PCDHGB3: variants seen among roughly 807,000 people sequenced by gnomAD.
PCDHGB3 encodes protocadherin gamma subfamily B, 3, also known as protocadherin gamma-B3.
In PCDHGB3, 40 loss-of-function variants were observed where a neutral mutation model predicts 59.2. The observed-to-expected ratio is 0.68, with a 90% CI of 0.52 to 0.88. PCDHGB3 has a LOEUF of 0.88. PCDHGB3 is among the 40% of genes least tolerant of loss of function. PCDHGB3 has a pLI of 0.00. For synonymous variants in PCDHGB3, 581 were observed against 503.6 expected (o/e 1.15, Z -2.06); for missense variants, 1,309 against 1,187.9 (o/e 1.10, Z -1.50).
chr5:141,418,007 C>G (rs1561770675), intron 1 of PCDHGB3: 1 of 1,613,904 alleles, frequency 6.2e-7, no homozygotes, highest in Non-Finnish European at 8.5e-7. Flanking sequence ...GGTGGGGAAC[C>G]TCGCTAAGGA....
chr5:141,382,917 G>A (rs527482854), intron 1 of PCDHGB3: 1 of 1,555,450 alleles, frequency 6.4e-7, no homozygotes, highest in East Asian at 2.3e-5. Flanking sequence ...CTCAGCCGAG[G>A]GGCGGGGACT....
rs1049654933 is a variant in PCDHGB3 at position 141,497,808 on chromosome 5, A to G, written c.2474+2943A>G. 2.6e-5 allele frequency among the ~76,000 whole-genome samples: 4 copies of G among 152,282 alleles called. No homozygotes were observed. The East Asian group carries it at 7.7e-4, about 29-fold the overall frequency. Reference sequence around the variant, plus strand: ...ACCTGCTTCAGCTTCCCAAAGTGCTAGAATTACAGGTGTGATCGCCCCCGG... The same window carrying G: ...ACCTGCTTCAGCTTCCCAAAGTGCTGGAATTACAGGTGTGATCGCCCCCGG... On this transcript the variant is annotated intron_variant, in intron 2 of 3. Coordinates refer to ENST00000576222, the MANE Select transcript of PCDHGB3 (RefSeq NM_018924.5).
intron 1 of PCDHGB3, among the ~76,000 whole-genome samples, chr5:141,380,852 C>A (rs1429709070): frequency 6.6e-6 from 1 of 152,182 alleles, no homozygotes; most frequent in Non-Finnish European, 1.5e-5. Context: ...TGGATCAAGA[C>A]ATTGAGAGCT....
Position 141,477,932 on chromosome 5 carries a change from C to T in PCDHGB3, c.2416-16875C>T. 1 of 1,614,158 alleles carries T rather than the reference C, an allele frequency of 6.2e-7. No homozygotes were observed. The highest frequency in any genetic ancestry group is 8.5e-7 in the Non-Finnish European group (1 of 1,180,034). ...CGCGGATGCAGGGCACAATGCCTGGCTCTCCTACAGTCTCTTGGGATCCCC... is the reference window on the plus strand; with the variant it reads ...CGCGGATGCAGGGCACAATGCCTGGTTCTCCTACAGTCTCTTGGGATCCCC... On this transcript the variant is annotated intron_variant, in intron 1 of 3. Coordinates refer to ENST00000576222, the MANE Select transcript of PCDHGB3 (RefSeq NM_018924.5). This position sits in a 1 kb window ranked among gnomAD's most constrained non-coding sequence, Gnocchi z 4.9.
At chr5:141,393,056 C>G in intron 1 of PCDHGB3, 2 of 1,613,606 alleles carry the variant, frequency 1.2e-6, no homozygotes, top group South Asian at 1.1e-5. Context: ...ACCCGCGCAG[C>G]GGCAGCTTGA....
intron 1 of PCDHGB3, chr5:141,440,723 T>C (rs2098196558): frequency 6.6e-6 from 1 of 152,178 alleles, no homozygotes; most frequent in Non-Finnish European, 1.5e-5. Flanking sequence ...GTTGATCCTG[T>C]GTTAGAGAAG....
rs1455759096 is a variant in PCDHGB3, at chr5:141,489,539, C to T, written c.2416-5268C>T. 6.2e-7 allele frequency: 1 copy of T among 1,613,980 alleles called. No individual in the cohort carries two copies. Among genetic ancestry groups the T allele is most frequent in the African/African-American group, 1.3e-5 (1 of 74,912 alleles). On this transcript the variant is annotated intron_variant, in intron 1 of 3. Coordinates refer to ENST00000576222, the MANE Select transcript of PCDHGB3 (RefSeq NM_018924.5). This position sits in a 1 kb window ranked among gnomAD's most constrained non-coding sequence, Gnocchi z 4.5. Reference sequence around the variant, plus strand: ...CGAGAAAGCCTATGTGGAGCCAGCACCAGCTGCCTGCTGCCAGTGCAGGTG... The same window carrying T: ...CGAGAAAGCCTATGTGGAGCCAGCATCAGCTGCCTGCTGCCAGTGCAGGTG...
In PCDHGB3 at chr5:141,502,866, C is replaced by CT. The variant is rs549047197; in HGVS notation, c.2475-2513dup. ...GAGCTGCCTAACCCTGACTCTCTGT[C>CT]TTTTTTTTTTTTTTGACAGGGAGTC... On this transcript the variant is annotated intron_variant, in intron 2 of 3. Transcript: ENST00000576222. Among the ~76,000 whole-genome samples, 1,216 of 127,988 alleles carry CT rather than the reference C, an allele frequency of 9.5e-3. 34 individuals are homozygous for CT. Among genetic ancestry groups the CT allele is most frequent in the Non-Finnish European group, 0.015 (955 of 62,394 alleles). The allele number at this position is 127,988 out of a possible 152,430, so 84.0% of individuals were successfully genotyped here.
chr5:141,385,424 C>CT, intron 1 of PCDHGB3: 1 of 1,461,926 alleles, frequency 6.8e-7, no homozygotes, highest in Admixed American at 2.8e-5. Flanking sequence ...ATTTAAAAAA[C>CT]TTTATAGAGG....
intron 1 of PCDHGB3, chr5:141,423,481 C>G: frequency 6.2e-7 from 1 of 1,613,908 alleles, no homozygotes; most frequent in South Asian, 1.1e-5. Context: ...GGCTTTCCTG[C>G]AAACCTATTC....
chr5:141,473,349 T>G (rs2099319716), intron 1 of PCDHGB3, among the ~76,000 whole-genome samples: 1 of 152,232 alleles, frequency 6.6e-6, no homozygotes, highest in Non-Finnish European at 1.5e-5. Context: ...ACAGTGAGGA[T>G]GCAAGTGGCC....
chr5:141,417,533 A>T (rs1253836392), intron 1 of PCDHGB3: 3 of 274,888 alleles, frequency 1.1e-5, no homozygotes, highest in African/African-American at 2.2e-5. Context: ...CTCGTAGTTT[A>T]AAAAAAATTC....
chr5:141,491,483 A>ACCTGCAGGTGAGCTCGG lies in PCDHGB3; in HGVS notation c.2416-3323_2416-3307dup. The ACCTGCAGGTGAGCTCGG allele has an allele frequency of 3.1e-6, 5 of 1,614,018 alleles. No individual in the cohort carries two copies. The highest frequency in any genetic ancestry group is 4.2e-6 in the Non-Finnish European group (5 of 1,180,012). ...GACTTCTATAAGCAGTCCAGCCCCAACCTGCAGGTGAGCTCGGACGGCACG... is the reference window on the plus strand; with the variant it reads ...GACTTCTATAAGCAGTCCAGCCCCAACCTGCAGGTGAGCTCGGCCTGCAGGTGAGCTCGGACGGCACG... On this transcript the variant is annotated intron_variant, in intron 1 of 3. Coordinates refer to ENST00000576222, the MANE Select transcript of PCDHGB3 (RefSeq NM_018924.5). The surrounding 1 kb of genome is among the most constrained non-coding windows in gnomAD (Gnocchi z 6.9).
intron 1 of PCDHGB3, chr5:141,400,143 T>G: frequency 6.2e-7 from 1 of 1,614,104 alleles, no homozygotes; most frequent in Non-Finnish European, 8.5e-7. Context: ...CGGATATCAC[T>G]GACCGCCCTG....
intron 1 of PCDHGB3, chr5:141,418,306 GA>G: frequency 6.2e-7 from 1 of 1,614,032 alleles, no homozygotes; most frequent in East Asian, 2.2e-5. Flanking sequence ...TCAGCCTGGG[GA>G]TGGGAACAAT....
chr5:141,393,443 G>T, intron 1 of PCDHGB3: 1 of 1,614,048 alleles, frequency 6.2e-7, no homozygotes, highest in Non-Finnish European at 8.5e-7. Context: ...CTCACCACCT[G>T]GTCCTCACGG....
At chr5:141,407,370 A>G (rs1434825695) in intron 1 of PCDHGB3, among the ~76,000 whole-genome samples, 2 of 152,228 alleles carry the variant, frequency 1.3e-5, no homozygotes, top group Non-Finnish European at 2.9e-5. Flanking sequence ...ACAGATATCC[A>G]TGAAGGCTTG....
intron 1 of PCDHGB3, chr5:141,383,563 C>G (rs779788206): frequency 1.5e-5 from 25 of 1,613,034 alleles, no homozygotes; most frequent in East Asian, 2.2e-5. Flanking sequence ...CGACCCGCCC[C>G]GATCCAGCAC....
intron 1 of PCDHGB3, among the ~76,000 whole-genome samples, chr5:141,460,307 C>A (rs1025049001): frequency 6.6e-6 from 1 of 152,102 alleles, no homozygotes; most frequent in African/African-American, 2.4e-5. Context: ...TATTCAAAAA[C>A]TCCTTGCCTA....
Sources: allele counts gnomAD v4.1 joint callset (sites outside exome capture counted in the v4.1 genomes callset), GRCh38; gene constraint gnomAD v4.1.1; non-coding constraint Gnocchi (gnomAD v3.1); transcripts MANE v1.5; gene names NCBI Gene and HGNC (gene_info 2026-07-23, HGNC 2026-07-21).